Variants in NTRK1 observed in about 807,000 individuals in gnomAD.
NTRK1 encodes neurotrophic receptor tyrosine kinase 1.
NTRK1 carries 62 observed loss-of-function variants against 86.8 expected under a neutral mutation model. The ratio of observed to expected loss-of-function variants is 0.71; its 90% confidence interval spans 0.58 to 0.88. NTRK1 has a LOEUF of 0.88. Ranked by LOEUF, NTRK1 falls within the 40% of genes least tolerant of loss-of-function variation. The probability of loss-of-function intolerance (pLI) is 0.00; values close to 1 mark genes in which losing one functional copy is unlikely to be tolerated. For missense variants in NTRK1, 967 were observed against 1,078.4 expected (o/e 0.90, Z 1.45); for synonymous variants, 469 against 456.6 (o/e 1.03, Z -0.35).
At chr1:156,817,145 G>T (rs1174579404) in intron 1 of NTRK1, among the ~76,000 whole-genome samples, 1 of 151,172 alleles carries the variant, frequency 6.6e-6, no homozygotes, top group African/African-American at 2.4e-5. Context: ...GTTCTGAGCA[G>T]TGGGAATGGG....
At chr1:156,860,258 C>G (rs1655568855), upstream of NTRK1, among the ~76,000 whole-genome samples, 1 of 152,160 alleles carries the variant, frequency 6.6e-6, no homozygotes, top group South Asian at 2.1e-4. Context: ...GCGGGCTTCT[C>G]GCGCCACCCT....
chr1:156,876,412 G>T lies in NTRK1; in HGVS notation c.1645G>T (p.Ala549Ser). 6.2e-7 allele frequency: 1 copy of T among 1,613,800 alleles called. No individual in the cohort carries two copies. The change falls in exon 14 of 17, where the codon GCG becomes TCG. Residue 549 changes from alanine to serine, a missense_variant. Physicochemically the swap from Ala to Ser is moderately conservative, Grantham distance 99. Around this residue, in one of 2 missense-constraint regions of NTRK1, gnomAD observed 637 missense variants for 776.5 expected, o/e 0.82. Coordinates refer to ENST00000524377, the MANE Select transcript of NTRK1 (RefSeq NM_002529.4). ...MLVAVKALKE[A>S]SESARQDFQR... ...CGCTTCCATCCAGGCACTGAAGGAG[G>T]CGTCCGAGAGTGCTCGGCAGGACTT...
intron 2 of NTRK1, chr1:156,844,492 C>T: frequency 6.2e-7 from 1 of 1,614,084 alleles, no homozygotes; most frequent in Non-Finnish European, 8.5e-7. Flanking sequence ...GCAACACTGT[C>T]TGTCCAAGAG....
intron 1 of NTRK1, chr1:156,840,177 T>C (rs1654720082): frequency 6.6e-6 from 1 of 152,072 alleles, no homozygotes; most frequent in African/African-American, 2.4e-5. Flanking sequence ...TCTGAAAGCC[T>C]TAAGCATCCA....
At chr1:156,819,211 T>C (rs1159140770) in intron 1 of NTRK1, among the ~76,000 whole-genome samples, 3 of 152,204 alleles carry the variant, frequency 2.0e-5, no homozygotes, top group African/African-American at 7.2e-5. Context: ...TTTCACCATG[T>C]TGGCCAGGCT....
intron 1 of NTRK1, among the ~76,000 whole-genome samples, chr1:156,863,595 C>A (rs917306278): frequency 6.6e-6 from 1 of 151,862 alleles, no homozygotes; most frequent in Non-Finnish European, 1.5e-5. Context: ...GGGGAGGTTT[C>A]GGTGGAGTAG....
rs1648275278 is a variant in NTRK1, at chr1:156,881,660, T to A, written c.*18T>A. 6.3e-7 allele frequency: 1 copy of A among 1,593,102 alleles called. No individual in the cohort carries two copies. The highest frequency in any genetic ancestry group is 8.5e-7 in the Non-Finnish European group (1 of 1,170,676). ...TGGGCTAGGGGGCCGGCCCAGGGGC[T>A]GGGAGTGGTTAGCCGGAATACTGGG... On this transcript the variant is annotated 3_prime_UTR_variant, in exon 17 of 17. Coordinates refer to ENST00000524377, the MANE Select transcript of NTRK1 (RefSeq NM_002529.4).
chr1:156,851,610 CAGG>C (rs760476623), intron 2 of NTRK1: 2 of 1,613,948 alleles, frequency 1.2e-6, no homozygotes, highest in Admixed American at 3.3e-5. Context: ...AGGGTATGAC[CAGG>C]AGGAGGGGTG....
intron 5 of NTRK1, 61 bp downstream of exon 5, chr1:156,868,310 G>T: frequency 6.3e-7 from 1 of 1,591,528 alleles, no homozygotes. Flanking sequence ...CCTGCCTGAG[G>T]GAGAGGGCAC....
chr1:156,876,195 G>A lies in NTRK1; in HGVS notation c.1617G>A (p.Met539Ile), dbSNP rs1647892453. ...CHNLLPEQDK[M>I]LVAVKALKEA... ...ACCTCCTGCCTGAGCAGGACAAGAT[G>A]CTGGTGGCTGTCAAGGTGAGACCCT... The change falls in exon 13 of 17, where the codon ATG becomes ATA. Residue 539 changes from methionine (M) to isoleucine (I), a missense_variant. Physicochemically the swap from Met to Ile is conservative, Grantham distance 10. This residue lies in a region of NTRK1 where 637 missense variants were observed against 776.5 expected (regional missense o/e 0.82). Coordinates refer to ENST00000524377, the MANE Select transcript of NTRK1 (RefSeq NM_002529.4). 4 of 1,613,992 alleles carry A rather than the reference G, an allele frequency of 2.5e-6. No homozygotes were observed. The highest frequency in any genetic ancestry group is 3.3e-5 in the Admixed American group (2 of 60,010).
intron 2 of NTRK1, chr1:156,848,849 C>T: frequency 6.6e-7 from 1 of 1,511,968 alleles, no homozygotes; most frequent in South Asian, 1.3e-5. Context: ...TCCGCCCTCA[C>T]CTGCCTGTGG....
intron 2 of NTRK1, chr1:156,842,884 C>G: frequency 2.5e-6 from 2 of 791,052 alleles, no homozygotes; most frequent in South Asian, 1.8e-5. Context: ...AATTAGGATC[C>G]TAACCATGGT....
intron 11 of NTRK1, 69 bp from the exon 12 acceptor site, chr1:156,875,451 C>T (rs2102914728): frequency 1.2e-6 from 2 of 1,603,048 alleles, no homozygotes; most frequent in Non-Finnish European, 1.7e-6. Flanking sequence ...GACCAGGCAT[C>T]CTGCAGGCAA....
intron 1 of NTRK1, among the ~76,000 whole-genome samples, chr1:156,819,046 A>C (rs1277164022): frequency 6.6e-6 from 1 of 152,174 alleles, no homozygotes; most frequent in Non-Finnish European, 1.5e-5. Flanking sequence ...TCTGTCACCC[A>C]GGCTGGAGTG....
Position 156,867,847 on chromosome 1 carries a change from G to A in NTRK1, c.429-257G>A, listed in dbSNP as rs147648613. Among the ~76,000 whole-genome samples the A allele has an allele frequency of 0.014, 2,036 of 149,750 alleles. 45 individuals are homozygous for A. Among genetic ancestry groups the A allele is most frequent in the African/African-American group, 0.048 (1,967 of 40,710 alleles). On this transcript the variant is annotated intron_variant, in intron 4 of 16. Transcript: ENST00000524377. Reference sequence around the variant, plus strand: ...CGCCACCATGCCTGGCTAAGTTTTTGCATTTTTAGTAGAGACGGGGTTTCA... The same window carrying A: ...CGCCACCATGCCTGGCTAAGTTTTTACATTTTTAGTAGAGACGGGGTTTCA...
chr1:156,848,863 C>G (rs1004130823), intron 2 of NTRK1: 340 of 1,529,732 alleles, frequency 2.2e-4, no homozygotes, highest in Non-Finnish European at 2.6e-4. Context: ...CCTGTGGTCC[C>G]GAAGAAATTG....
chr1:156,848,939 A>G, intron 2 of NTRK1: 1 of 1,585,376 alleles, frequency 6.3e-7, no homozygotes, highest in Non-Finnish European at 8.6e-7. Context: ...GTAGTACACG[A>G]TGAAGCTGAG....
intron 8 of NTRK1, 92 bp from the exon 9 acceptor site, chr1:156,874,291 C>A (rs1378001795): frequency 1.3e-6 from 2 of 1,584,830 alleles, no homozygotes; most frequent in South Asian, 2.2e-5. Flanking sequence ...GGAATGAGTC[C>A]CAGAGTAGGC....
At chr1:156,872,549 G>A (rs894351231) in intron 7 of NTRK1, among the ~76,000 whole-genome samples, 2 of 151,672 alleles carry the variant, frequency 1.3e-5, no homozygotes, top group Admixed American at 1.3e-4. Flanking sequence ...TGTAGCTCAT[G>A]CAATTCATTG....
Sources: allele counts gnomAD v4.1 joint callset (sites outside exome capture counted in the v4.1 genomes callset), GRCh38; gene constraint gnomAD v4.1.1; regional missense constraint gnomAD v4.1.1; transcripts MANE v1.5; gene names NCBI Gene and HGNC (gene_info 2026-07-23, HGNC 2026-07-21).